Variants in BABAM2 observed in about 807,000 individuals in gnomAD.
BABAM2 encodes BRISC and BRCA1 A complex member 2, also known as BRISC and BRCA1-A complex member 2.
BABAM2 carries 31 observed loss-of-function variants against 54.7 expected under a neutral mutation model. The ratio of observed to expected loss-of-function variants is 0.57; its 90% confidence interval spans 0.43 to 0.77. The LOEUF (loss-of-function observed/expected upper bound fraction) is 0.77. Among genes scored for constraint, BABAM2 ranks in the 30% least tolerant of loss-of-function variants. The pLI, the probability that BABAM2 is intolerant of heterozygous loss-of-function variation, is 0.00. For synonymous variants in BABAM2, 167 were observed against 162.9 expected (o/e 1.03, Z -0.19); for missense variants, 364 against 455.8 (o/e 0.80, Z 1.83).
At chr2:28,013,864 A>C (rs960654901) in intron 4 of BABAM2, among the ~76,000 whole-genome samples, 2 of 152,076 alleles carry the variant, frequency 1.3e-5, no homozygotes, top group Non-Finnish European at 2.9e-5. Flanking sequence ...GGCTGCTCCC[A>C]AAAACTCCCC....
At chr2:27,891,306 A>T (rs753394545) in intron 1 of BABAM2, among the ~76,000 whole-genome samples, 8 of 152,108 alleles carry the variant, frequency 5.3e-5, no homozygotes, top group African/African-American at 2.4e-5. Flanking sequence ...CCGTTCCATG[A>T]CGTCAGCAGG....
intron 10 of BABAM2, among the ~76,000 whole-genome samples, chr2:28,249,077 T>C (rs1290666158): frequency 6.6e-6 from 1 of 151,476 alleles, no homozygotes; most frequent in African/African-American, 2.4e-5. Flanking sequence ...TTTTGTTTGT[T>C]TGTTTGCTTG....
chr2:27,955,590 C>T (rs1456531479), intron 3 of BABAM2, among the ~76,000 whole-genome samples: 1 of 152,218 alleles, frequency 6.6e-6, no homozygotes, highest in South Asian at 2.1e-4. Flanking sequence ...AAGTTTCCTC[C>T]CCATTGCAAA....
At chr2:28,248,207 C>CTTTTT (rs780563394) in intron 10 of BABAM2, among the ~76,000 whole-genome samples, 11 of 54,310 alleles carry the variant, frequency 2.0e-4, no homozygotes, top group Admixed American at 6.2e-4. Flanking sequence ...TTTTCTTTTT[C>CTTTTT]TTTTTTTTTT....
At chr2:28,267,484 ATGG>A (rs1035905236) in intron 10 of BABAM2, among the ~76,000 whole-genome samples, 3 of 152,074 alleles carry the variant, frequency 2.0e-5, no homozygotes, top group African/African-American at 7.2e-5. Context: ...GTATTTTGAA[ATGG>A]TGGTTTTATC....
At chr2:28,060,916 G>A (rs548437275) in intron 6 of BABAM2, among the ~76,000 whole-genome samples, 1 of 152,272 alleles carries the variant, frequency 6.6e-6, no homozygotes, top group East Asian at 1.9e-4. Context: ...TTGGCATATA[G>A]ATCTGGCACA....
intron 4 of BABAM2, among the ~76,000 whole-genome samples, chr2:27,998,746 A>G (rs1405678819): frequency 6.6e-6 from 1 of 152,216 alleles, no homozygotes; most frequent in Admixed American, 6.5e-5. Context: ...ATAGTTGGTT[A>G]TGGTTGATAA....
intron 3 of BABAM2, among the ~76,000 whole-genome samples, chr2:27,976,909 C>T (rs1301280610): frequency 6.6e-6 from 1 of 152,138 alleles, no homozygotes; most frequent in East Asian, 1.9e-4. Context: ...AGGAAGTCTT[C>T]TAAGAAGAGG....
intron 4 of BABAM2, among the ~76,000 whole-genome samples, chr2:28,017,421 C>A (rs1313195268): frequency 1.3e-5 from 2 of 152,114 alleles, no homozygotes; most frequent in East Asian, 3.8e-4. Context: ...ATAATTTATT[C>A]ATGATTATAG....
intron 7 of BABAM2, among the ~76,000 whole-genome samples, chr2:28,219,357 G>C (rs1001150684): frequency 5.3e-5 from 8 of 152,106 alleles, no homozygotes; most frequent in Non-Finnish European, 1.2e-4. Flanking sequence ...AGTTTTTCCT[G>C]CCTCTTCTTC....
chr2:28,096,387 A>C (rs1201588277), intron 6 of BABAM2, among the ~76,000 whole-genome samples: 1 of 152,176 alleles, frequency 6.6e-6, no homozygotes, highest in East Asian at 1.9e-4. Flanking sequence ...CAAAAAAAAA[A>C]AAAACCATAT....
chr2:27,972,557 G>A (rs529883610), intron 3 of BABAM2, among the ~76,000 whole-genome samples: 41 of 152,150 alleles, frequency 2.7e-4, no homozygotes, highest in Admixed American at 5.9e-4. Context: ...AGCCACATGT[G>A]GTGATGGAGT....
At chr2:27,960,458 T>C (rs1670386786) in intron 3 of BABAM2, among the ~76,000 whole-genome samples, 2 of 152,134 alleles carry the variant, frequency 1.3e-5, no homozygotes, top group Admixed American at 6.5e-5. Flanking sequence ...GTGTGGTTTT[T>C]TTTTTCTCCC....
intron 6 of BABAM2, among the ~76,000 whole-genome samples, chr2:28,113,087 A>G (rs1356016647): frequency 6.6e-6 from 1 of 152,096 alleles, no homozygotes; most frequent in Non-Finnish European, 1.5e-5. Flanking sequence ...AGTTCCTTGT[A>G]GATTCTGGAT....
intron 6 of BABAM2, among the ~76,000 whole-genome samples, chr2:28,074,620 T>A (rs976558707): frequency 6.6e-6 from 1 of 152,220 alleles, no homozygotes. Context: ...CGTATTATAC[T>A]GTTGATAAAT....
At chr2:28,177,159 A>G (rs1675099387) in intron 7 of BABAM2, among the ~76,000 whole-genome samples, 1 of 152,152 alleles carries the variant, frequency 6.6e-6, no homozygotes, top group African/African-American at 2.4e-5. Flanking sequence ...ACAGCAAGAG[A>G]AAAGTGTCTA....
At chr2:28,148,185 A>G (rs1671680332) in intron 7 of BABAM2, among the ~76,000 whole-genome samples, 1 of 152,224 alleles carries the variant, frequency 6.6e-6, no homozygotes, top group Non-Finnish European at 1.5e-5. Flanking sequence ...CAGAAACAGT[A>G]TCGCATTGCT....
intron 2 of BABAM2, among the ~76,000 whole-genome samples, chr2:27,918,728 G>A (rs1459905733): frequency 3.9e-5 from 6 of 151,956 alleles, no homozygotes; most frequent in Admixed American, 6.6e-5. Context: ...TCACTCCGTG[G>A]CTCAGGCTGG....
intron 9 of BABAM2, among the ~76,000 whole-genome samples, chr2:28,242,161 C>G (rs755579038): frequency 6.6e-6 from 1 of 152,146 alleles, no homozygotes; most frequent in Non-Finnish European, 1.5e-5. Context: ...GGCAGGAACC[C>G]CATTTCCCCA....
Sources: gnomAD v4.1 joint callset for allele counts (sites outside exome capture counted in the v4.1 genomes callset) on GRCh38, gnomAD v4.1.1 for gene constraint, MANE v1.5 for transcripts, NCBI Gene and HGNC (gene_info 2026-07-23, HGNC 2026-07-21) for gene names.